Variants in CERS4 observed in about 807,000 individuals in gnomAD.
CERS4 encodes ceramide synthase 4.
A neutral mutation model predicts 51.8 loss-of-function variants in CERS4; 65 were observed. The observed-to-expected ratio is 1.26, with a 90% confidence interval of 1.03 to 1.54. The LOEUF is 1.54. CERS4 is among the 40% of genes most tolerant of loss of function. CERS4 has a pLI of 0.00. For synonymous variants in CERS4, 228 were observed against 208.4 expected (o/e 1.09, Z -0.81); for missense variants, 563 against 500.4 (o/e 1.13, Z -1.19).
intron 10 of CERS4, among the ~76,000 whole-genome samples, chr19:8,259,486 G>T (rs1483443962): frequency 6.6e-6 from 1 of 152,080 alleles, no homozygotes; most frequent in Non-Finnish European, 1.5e-5. Flanking sequence ...AGCCATGGAG[G>T]TTATAAGCAG....
chr19:8,231,569 G>A (rs1968002731), intron 2 of CERS4, among the ~76,000 whole-genome samples: 1 of 151,928 alleles, frequency 6.6e-6, no homozygotes, highest in East Asian at 1.9e-4. Context: ...TCTTTTTTGA[G>A]ATGGAGTCTT....
At chr19:8,242,867 A>G (rs1968595844) in intron 2 of CERS4, among the ~76,000 whole-genome samples, 1 of 151,896 alleles carries the variant, frequency 6.6e-6, no homozygotes, top group Non-Finnish European at 1.5e-5. Context: ...GATTGTGAGA[A>G]GCCATTGCTC....
chr19:8,226,472 A>G (rs1967792352), intron 2 of CERS4, among the ~76,000 whole-genome samples: 1 of 152,162 alleles, frequency 6.6e-6, no homozygotes, highest in South Asian at 2.1e-4. Context: ...GGGCCCAGCC[A>G]ACAGCTGGTG....
At chr19:8,218,496 G>A (rs1967396782) in intron 2 of CERS4, among the ~76,000 whole-genome samples, 2 of 152,300 alleles carry the variant, frequency 1.3e-5, no homozygotes, top group South Asian at 2.1e-4. Context: ...CCTAGGCTGA[G>A]AACCTCGGAG....
chr19:8,254,380 G>T, intron 3 of CERS4, 119 bp from the exon 4 acceptor site: 3 of 665,160 alleles, frequency 4.5e-6, no homozygotes, highest in East Asian at 2.9e-5. Flanking sequence ...TGTGCTCTCT[G>T]AGCCTGTAAC....
chr19:8,244,564 C>G (rs1968674843), intron 2 of CERS4, among the ~76,000 whole-genome samples: 1 of 152,194 alleles, frequency 6.6e-6, no homozygotes, highest in Admixed American at 6.5e-5. Flanking sequence ...GGCCCCACCT[C>G]TAAAATGTCT....
chr19:8,256,453 G>C (rs943348053), intron 7 of CERS4, among the ~76,000 whole-genome samples, 165 bp from the exon 8 acceptor site: 18 of 151,904 alleles, frequency 1.2e-4, no homozygotes, highest in African/African-American at 3.6e-4. Context: ...AACCAAGCAG[G>C]AGCTTCCACC....
intron 2 of CERS4, among the ~76,000 whole-genome samples, chr19:8,242,084 C>A (rs1046253224): frequency 1.3e-5 from 2 of 152,172 alleles, no homozygotes; most frequent in Non-Finnish European, 2.9e-5. Flanking sequence ...GGTGCAAGGT[C>A]TCTGAGCTGC....
At position 8,232,877 on chromosome 19, in the gene CERS4, C is replaced by G. The variant is rs796311074; in HGVS notation, c.-1-18199C>G. Among the ~76,000 whole-genome samples, 3 of 148,402 alleles carry G rather than the reference C, an allele frequency of 2.0e-5. 1 individual carries two copies. The South Asian group carries it at 6.5e-4, about 32-fold the overall frequency. On this transcript the variant is annotated intron_variant, in intron 2 of 11. Coordinates refer to ENST00000251363, the MANE Select transcript of CERS4 (RefSeq NM_024552.3). ...AGCTAGGACTACAGGGAGACACCAC[C>G]ATGCCTCGCTGATTTTTTTTTTTTT...
intron 10 of CERS4, chr19:8,261,344 A>C: frequency 3.6e-6 from 1 of 276,334 alleles, no homozygotes; most frequent in East Asian, 8.0e-5. Context: ...GTGAGTAGGC[A>C]GTCGCCTGCT....
chr19:8,238,704 G>T (rs1333181248), intron 2 of CERS4: 1 of 591,282 alleles, frequency 1.7e-6, no homozygotes, highest in African/African-American at 2.0e-5. Flanking sequence ...GCCAGGGAAT[G>T]GTTCCAAGAA....
At chr19:8,255,477 A>G (rs1969326345) in intron 4 of CERS4, 130 bp from the exon 5 acceptor site, 1 of 804,498 alleles carries the variant, frequency 1.2e-6, no homozygotes, top group Non-Finnish European at 2.0e-6. Context: ...GCCCCTCCAT[A>G]TAGACATGGT....
At chr19:8,254,472 G>T (rs1255668755) in intron 3 of CERS4, 27 bp from the exon 4 acceptor site, 1 of 1,607,954 alleles carries the variant, frequency 6.2e-7, no homozygotes, top group Non-Finnish European at 8.5e-7. Flanking sequence ...CACCTGGGCT[G>T]ATAGGCTCTG....
rs1969301033 is a variant in CERS4 at position 8,254,972 on chromosome 19, A to G, written c.291+356A>G. 3.9e-5 allele frequency among the ~76,000 whole-genome samples: 6 copies of G among 152,116 alleles called. No individual in the cohort carries two copies. The South Asian group carries it at 1.2e-3, about 32-fold the overall frequency. ...AGTTGCACAATGGACAGATTCTAGGAGAGTGAGAGTAGTTGCTTGCTCTCC... is the reference window on the plus strand; with the variant it reads ...AGTTGCACAATGGACAGATTCTAGGGGAGTGAGAGTAGTTGCTTGCTCTCC... On this transcript the variant is annotated intron_variant, in intron 4 of 11. Transcript: ENST00000251363.
chr19:8,255,758 G>A, intron 5 of CERS4, 33 bp downstream of exon 5: 1 of 1,368,396 alleles, frequency 7.3e-7, no homozygotes. Context: ...GGGGTGCAGG[G>A]AAGCGGGCCG....
chr19:8,211,560 A>G (rs980483647), intron 2 of CERS4, among the ~76,000 whole-genome samples: 2 of 152,202 alleles, frequency 1.3e-5, no homozygotes, highest in Non-Finnish European at 1.5e-5. Context: ...AGGCTATTAA[A>G]ATATCACGAG....
intron 2 of CERS4, 24 bp from the exon 3 acceptor site, chr19:8,251,052 G>C (rs1250763853): frequency 5.1e-6 from 8 of 1,556,488 alleles, no homozygotes; most frequent in Non-Finnish European, 6.1e-6. Flanking sequence ...AGACCTCCCA[G>C]CTAACTGGAA....
At position 8,210,256 on chromosome 19, in the gene CERS4, G is replaced by A. The variant is rs988402325; in HGVS notation, c.-158-450G>A. Among the ~76,000 whole-genome samples the A allele has an allele frequency of 2.0e-5, 3 of 152,180 alleles. No homozygotes were observed. Among genetic ancestry groups the A allele is most frequent in the African/African-American group, 7.2e-5 (3 of 41,450 alleles). On this transcript the variant is annotated intron_variant, in intron 1 of 11. Coordinates refer to ENST00000251363, the MANE Select transcript of CERS4 (RefSeq NM_024552.3). The surrounding 1 kb of genome is among the most constrained non-coding windows in gnomAD (Gnocchi z 4.2). ...AGCCGCTGTGGGTAGGAGAGATGGGGATACTTGGAAGGGGGCTTCTGGCTT... is the reference window on the plus strand; with the variant it reads ...AGCCGCTGTGGGTAGGAGAGATGGGAATACTTGGAAGGGGGCTTCTGGCTT...
intron 2 of CERS4, among the ~76,000 whole-genome samples, chr19:8,212,202 C>T (rs868071230): frequency 1.3e-5 from 2 of 152,106 alleles, no homozygotes; most frequent in African/African-American, 4.8e-5. Flanking sequence ...TTATTTAGAG[C>T]TCAGGGAACA....
Sources: gnomAD v4.1 joint callset for allele counts (sites outside exome capture counted in the v4.1 genomes callset) on GRCh38, gnomAD v4.1.1 for gene constraint, Gnocchi (gnomAD v3.1) non-coding constraint, MANE v1.5 for transcripts, NCBI Gene and HGNC (gene_info 2026-07-23, HGNC 2026-07-21) for gene names.